The following NAV2 variants were observed in gnomAD, a reference collection of about 807,000 sequenced individuals.
The protein encoded by NAV2 is neuron navigator 2, also known as helicase, APC down-regulated 1.
In NAV2, 54 loss-of-function variants were observed where a neutral mutation model predicts 223.2. The ratio of observed to expected loss-of-function variants is 0.24; its 90% CI spans 0.19 to 0.30. NAV2 has a LOEUF of 0.30. Among genes scored for constraint, NAV2 ranks in the 10% least tolerant of loss-of-function variants. The probability of loss-of-function intolerance (pLI) is 1.00; values close to 1 mark genes in which losing one functional copy is unlikely to be tolerated. For synonymous variants in NAV2, 1,279 were observed against 1,239.3 expected (o/e 1.03, Z -0.67); for missense variants, 2,806 against 3,147.5 (o/e 0.89, Z 2.60).
intron 1 of NAV2, among the ~76,000 whole-genome samples, chr11:19,763,608 GT>G (rs1341802049): frequency 6.6e-6 from 1 of 152,042 alleles, no homozygotes; most frequent in African/African-American, 2.4e-5. Flanking sequence ...ATTAGGCTCC[GT>G]TTTATGCTGT....
chr11:19,546,571 G>A (rs2044505618), intron 1 of NAV2, among the ~76,000 whole-genome samples: 1 of 152,138 alleles, frequency 6.6e-6, no homozygotes, highest in South Asian at 2.1e-4. Flanking sequence ...AGGAAGGACT[G>A]GTCACCACGG....
chr11:19,892,592 A>C lies in NAV2; in HGVS notation c.929A>C (p.Lys310Thr), dbSNP rs144503596. The change falls in exon 6 of 38, where the codon AAA becomes ACA. Residue 310 changes from lysine to threonine, a missense_variant and splice_region_variant. Transcript: ENST00000349880. ...SPPPPPSSHEKEPLASSASSH... is the reference protein window; with the variant it reads ...SPPPPPSSHETEPLASSASSH... ...CCCCCACCGCCAAGCAGCCACGAGA[A>C]AGGTGAGTCACCTTCTTGAGGAGCC... 2 of 1,613,298 alleles carry C rather than the reference A, an allele frequency of 1.2e-6. No homozygotes were observed. The highest frequency in any genetic ancestry group is 2.7e-5 in the African/African-American group (2 of 74,914).
intron 11 of NAV2, among the ~76,000 whole-genome samples, chr11:19,985,000 G>C (rs1355167813): frequency 6.6e-6 from 1 of 152,148 alleles, no homozygotes; most frequent in Non-Finnish European, 1.5e-5. Context: ...TAATGATCTG[G>C]CTGTTTAAGG....
intron 34 of NAV2, 38 bp from the exon 35 acceptor site, chr11:20,105,493 C>G: frequency 6.4e-7 from 1 of 1,567,730 alleles, no homozygotes; most frequent in Non-Finnish European, 8.7e-7. Context: ...ATTTGGATCA[C>G]CATCATCAGC....
At chr11:19,794,016 G>A (rs534727620) in intron 1 of NAV2, among the ~76,000 whole-genome samples, 6 of 152,200 alleles carry the variant, frequency 3.9e-5, no homozygotes, top group South Asian at 2.1e-4. Context: ...AACTGAAATC[G>A]CCTCGTTTAG....
chr11:19,369,548 G>A (rs1283963790), intron 1 of NAV2, among the ~76,000 whole-genome samples: 2 of 152,096 alleles, frequency 1.3e-5, no homozygotes, highest in Non-Finnish European at 1.5e-5. Context: ...CATTTTTAGT[G>A]CAATATCCTT....
chr11:19,657,482 G>A (rs2048158764), intron 1 of NAV2, among the ~76,000 whole-genome samples: 1 of 152,212 alleles, frequency 6.6e-6, no homozygotes, highest in African/African-American at 2.4e-5. Flanking sequence ...AGAGGCAGAT[G>A]GTCAAGTTGG....
At chr11:19,597,375 A>G (rs1357664212) in intron 1 of NAV2, among the ~76,000 whole-genome samples, 1 of 152,180 alleles carries the variant, frequency 6.6e-6, no homozygotes, top group African/African-American at 2.4e-5. Flanking sequence ...ATAGCAGCCA[A>G]TCTAGAAACC....
upstream of NAV2, among the ~76,000 whole-genome samples, chr11:19,346,526 C>A (rs1438327549): frequency 6.6e-6 from 1 of 152,258 alleles, no homozygotes; most frequent in Non-Finnish European, 1.5e-5. Flanking sequence ...CGGCTCCTTT[C>A]TTGCCTGCAA....
chr11:19,564,047 G>A (rs1487295995), intron 1 of NAV2, among the ~76,000 whole-genome samples: 1 of 152,146 alleles, frequency 6.6e-6, no homozygotes, highest in African/African-American at 2.4e-5. Context: ...TGTTCACATG[G>A]AGGCCAGCTG....
chr11:19,687,715 T>A (rs1375562502), intron 1 of NAV2, among the ~76,000 whole-genome samples: 1 of 152,022 alleles, frequency 6.6e-6, no homozygotes, highest in Non-Finnish European at 1.5e-5. Flanking sequence ...GGCTGCAGGT[T>A]CCAGAGAAAA....
intron 1 of NAV2, among the ~76,000 whole-genome samples, chr11:19,757,553 A>G (rs2054335389): frequency 6.6e-6 from 1 of 152,184 alleles, no homozygotes; most frequent in Admixed American, 6.5e-5. Flanking sequence ...TTTATCAGCT[A>G]TAAAGTAGAG....
At chr11:19,435,172 G>A (rs1157761345) in intron 1 of NAV2, among the ~76,000 whole-genome samples, 2 of 152,034 alleles carry the variant, frequency 1.3e-5, no homozygotes, top group Admixed American at 1.3e-4. Flanking sequence ...ACCATGCTAT[G>A]CCTATCTAAC....
At position 20,083,065 on chromosome 11, in the gene NAV2, C is replaced by A; in HGVS notation, c.5384C>A (p.Ser1795Tyr). 6.2e-7 allele frequency: 1 copy of A among 1,614,198 alleles called. No homozygotes were observed. The highest frequency in any genetic ancestry group is 8.5e-7 in the Non-Finnish European group (1 of 1,180,020). ...GKKKSPKSAS[S>Y]HSDIEEMTDS... ...AAGAAGTCCCCAAAATCTGCGTCCT[C>A]TCATTCAGATATTGAGGAGATGACG... The change falls in exon 26 of 38, where the codon TCT becomes TAT. Residue 1795 changes from serine (S) to tyrosine (Y), a missense_variant. Physicochemically the swap from Ser to Tyr is moderately radical, Grantham distance 144. Transcript: ENST00000349880.
chr11:19,409,286 G>A (rs531577825), intron 1 of NAV2, among the ~76,000 whole-genome samples: 1 of 152,304 alleles, frequency 6.6e-6, no homozygotes, highest in African/African-American at 2.4e-5. Context: ...AATCACTGGT[G>A]TTTTATGTGA....
intron 1 of NAV2, among the ~76,000 whole-genome samples, chr11:19,413,049 A>G (rs1373042582): frequency 6.6e-6 from 1 of 152,232 alleles, no homozygotes; most frequent in Admixed American, 6.5e-5. Context: ...CTCACCAGCA[A>G]GGGAACAAAA....
At chr11:19,772,469 A>G (rs7116640) in intron 1 of NAV2, among the ~76,000 whole-genome samples, 49,742 of 152,060 alleles carry the variant, frequency 0.33, 8,327 homozygotes, top group African/African-American at 0.38. Flanking sequence ...TATTTTCAGT[A>G]TTGCTGTGAA....
chr11:19,514,308 C>A (rs772039178), intron 1 of NAV2, among the ~76,000 whole-genome samples: 2 of 152,182 alleles, frequency 1.3e-5, no homozygotes, highest in Non-Finnish European at 2.9e-5. Context: ...AGTACTAGAA[C>A]AACAATTCTG....
chr11:19,482,732 C>A (rs1040263748), intron 1 of NAV2, among the ~76,000 whole-genome samples: 3 of 152,194 alleles, frequency 2.0e-5, no homozygotes, highest in Admixed American at 6.5e-5. Flanking sequence ...GAATGCATAT[C>A]AGGACCACCT....
Sources: gnomAD v4.1 joint callset for allele counts (sites outside exome capture counted in the v4.1 genomes callset) on GRCh38, gnomAD v4.1.1 for gene constraint, MANE v1.5 for transcripts, NCBI Gene and HGNC (gene_info 2026-07-23, HGNC 2026-07-21) for gene names.